The following SCHIP1 variants were observed in gnomAD, a reference collection of about 807,000 sequenced individuals.
SCHIP1 encodes schwannomin-interacting protein 1.
In SCHIP1, 8 loss-of-function variants were observed where a neutral mutation model predicts 29.7. That is an observed-to-expected ratio of 0.27 (90% CI 0.16 to 0.49). The LOEUF (loss-of-function observed/expected upper bound fraction) is 0.49. SCHIP1 is among the 20% of genes least tolerant of loss of function. The pLI is 0.99. For synonymous variants in SCHIP1, 76 were observed against 94.9 expected (o/e 0.80, Z 1.16); for missense variants, 193 against 294.6 (o/e 0.66, Z 2.52).
chr3:159,410,348 G>A, the SCHIP1 span, among the ~76,000 whole-genome samples: 1 of 152,058 alleles, frequency 6.6e-6, no homozygotes, highest in Non-Finnish European at 1.5e-5. Flanking sequence ...ACAACCCACA[G>A]AATAGCAGAA....
chr3:159,694,017 C>T, the SCHIP1 span, among the ~76,000 whole-genome samples: 1 of 152,096 alleles, frequency 6.6e-6, no homozygotes, highest in South Asian at 2.1e-4. Context: ...CCATGGTGAG[C>T]ACCTGTAGGC....
chr3:159,538,502 T>A, the SCHIP1 span, among the ~76,000 whole-genome samples: 3 of 152,142 alleles, frequency 2.0e-5, no homozygotes, highest in Admixed American at 2.0e-4. Context: ...ACACTTACCA[T>A]CTCCTCTTGT....
chr3:159,881,112 C>T (rs1716394677), intron 2 of SCHIP1, among the ~76,000 whole-genome samples: 1 of 152,184 alleles, frequency 6.6e-6, no homozygotes, highest in African/African-American at 2.4e-5. Flanking sequence ...GACACCATCA[C>T]ACGTGCAGTA....
chr3:159,513,496 A>AG, the SCHIP1 span, among the ~76,000 whole-genome samples: 144 of 151,766 alleles, frequency 9.5e-4, 1 homozygote, highest in African/African-American at 3.3e-3. Flanking sequence ...GCATTATTTT[A>AG]AGGAGACAAA....
chr3:159,601,757 C>G, the SCHIP1 span, among the ~76,000 whole-genome samples: 3 of 152,202 alleles, frequency 2.0e-5, no homozygotes, highest in African/African-American at 7.2e-5. Context: ...TTGCACTGTC[C>G]TTTTCCCACA....
chr3:159,883,294 A>G (rs1716631322), intron 2 of SCHIP1, among the ~76,000 whole-genome samples: 2 of 152,152 alleles, frequency 1.3e-5, no homozygotes, highest in Admixed American at 1.3e-4. Flanking sequence ...GATCTAGGTA[A>G]ATTAGGCACC....
the SCHIP1 span, among the ~76,000 whole-genome samples, chr3:159,416,391 T>A: frequency 6.6e-6 from 1 of 152,216 alleles, no homozygotes; most frequent in Non-Finnish European, 1.5e-5. Context: ...TCTTGTTTAC[T>A]GTCCATTTTC....
chr3:159,824,796 G>A, the SCHIP1 span, among the ~76,000 whole-genome samples: 1 of 152,166 alleles, frequency 6.6e-6, no homozygotes, highest in Non-Finnish European at 1.5e-5. Context: ...AATACTTTTT[G>A]GAAAGCGACA....
At chr3:159,882,301 G>A (rs1405804004) in intron 2 of SCHIP1, among the ~76,000 whole-genome samples, 1 of 152,168 alleles carries the variant, frequency 6.6e-6, no homozygotes, top group African/African-American at 2.4e-5. Context: ...AAAATTCAAT[G>A]CAACAGTTCA....
the SCHIP1 span, among the ~76,000 whole-genome samples, chr3:159,510,540 C>T: frequency 1.1e-4 from 16 of 152,322 alleles, no homozygotes; most frequent in East Asian, 1.9e-3. Context: ...GGAGGAGAGG[C>T]GCTCTGATTT....
chr3:159,865,525 A>C (rs1714527854), intron 1 of SCHIP1, among the ~76,000 whole-genome samples: 1 of 152,204 alleles, frequency 6.6e-6, no homozygotes, highest in Non-Finnish European at 1.5e-5. Context: ...GCTATTCCGG[A>C]CATTATTGTC....
chr3:159,626,189 TAGATAGATAG>T, the SCHIP1 span, among the ~76,000 whole-genome samples: 5 of 117,562 alleles, frequency 4.3e-5, no homozygotes, highest in African/African-American at 2.7e-4. Flanking sequence ...TCTAGATAGA[TAGATAGATAG>T]ATAGATAGAT....
the SCHIP1 span, among the ~76,000 whole-genome samples, chr3:159,512,704 A>C: frequency 6.6e-6 from 1 of 152,358 alleles, no homozygotes; most frequent in South Asian, 2.1e-4. Flanking sequence ...AGTGACAAAC[A>C]ATCCAATCAT....
chr3:159,605,763 C>T, the SCHIP1 span, among the ~76,000 whole-genome samples: 15 of 152,232 alleles, frequency 9.9e-5, no homozygotes, highest in East Asian at 2.3e-3. Flanking sequence ...TTGAGGATAA[C>T]AATTCTTGTC....
the SCHIP1 span, among the ~76,000 whole-genome samples, chr3:159,639,673 G>A: frequency 5.0e-4 from 76 of 152,230 alleles, no homozygotes; most frequent in African/African-American, 1.8e-3. Context: ...GGAACCATAT[G>A]AGTCTATGGT....
At chr3:159,568,161 C>T in the SCHIP1 span, among the ~76,000 whole-genome samples, 2 of 152,154 alleles carry the variant, frequency 1.3e-5, no homozygotes, top group South Asian at 2.1e-4. Context: ...AGCCAGTAAG[C>T]TTGCTGAGCT....
the SCHIP1 span, among the ~76,000 whole-genome samples, chr3:159,429,759 C>A: frequency 5.3e-5 from 8 of 152,222 alleles, no homozygotes; most frequent in Admixed American, 2.6e-4. Flanking sequence ...TACTTCACTG[C>A]CTGGGGCCTT....
chr3:159,721,244 C>T, the SCHIP1 span, among the ~76,000 whole-genome samples: 5 of 152,158 alleles, frequency 3.3e-5, no homozygotes, highest in South Asian at 1.0e-3. Context: ...TGACCAAGAA[C>T]AAATGTTAAG....
chr3:159,692,422 C>A, the SCHIP1 span, among the ~76,000 whole-genome samples: 6 of 152,030 alleles, frequency 3.9e-5, no homozygotes, highest in African/African-American at 1.2e-4. Flanking sequence ...TTGTTTGTTT[C>A]TTTTTATTCT....
Sources: gnomAD v4.1 joint callset for allele counts (sites outside exome capture counted in the v4.1 genomes callset) on GRCh38, gnomAD v4.1.1 for gene constraint, MANE v1.5 for transcripts, NCBI Gene and HGNC (gene_info 2026-07-23, HGNC 2026-07-21) for gene names.